The following TM7SF3 variants were observed in gnomAD, a reference collection of about 807,000 sequenced individuals.
TM7SF3 encodes the protein transmembrane 7 superfamily member 3.
TM7SF3 carries 60 observed loss-of-function variants against 65.5 expected under a neutral mutation model. That is an observed-to-expected ratio of 0.92 (90% confidence interval 0.74 to 1.14). TM7SF3 has a LOEUF of 1.14. TM7SF3 is among the 50% of genes most tolerant of loss of function. The pLI, the probability that TM7SF3 is intolerant of heterozygous loss-of-function variation, is 0.00. For missense variants in TM7SF3, 623 were observed against 684.8 expected (o/e 0.91, Z 1.01); for synonymous variants, 264 against 259.6 (o/e 1.02, Z -0.16).
intron 9 of TM7SF3, chr12:26,978,197 G>T: frequency 8.2e-6 from 2 of 243,414 alleles, no homozygotes; most frequent in South Asian, 3.9e-5. Flanking sequence ...ATATATAAAG[G>T]GTATATGCTA....
chr12:26,997,801 G>A (rs1261862489), intron 3 of TM7SF3, among the ~76,000 whole-genome samples: 4 of 148,854 alleles, frequency 2.7e-5, no homozygotes, highest in Non-Finnish European at 5.9e-5. Flanking sequence ...TGACCTCTCC[G>A]TAGACTGTAA....
rs1344343630 is a variant in TM7SF3, at chr12:26,982,931, C to G, written c.869-72G>C. 2.7e-6 allele frequency: 3 copies of G among 1,110,708 alleles called. No homozygotes were observed. In the East Asian group the frequency reaches 8.0e-5, roughly 30 times the overall value. The allele number at this position is 1,110,708 out of a possible 1,614,324, so 68.8% of individuals were successfully genotyped here. On this transcript the variant is annotated intron_variant, in intron 6 of 11. Coordinates refer to ENST00000343028, the MANE Select transcript of TM7SF3 (RefSeq NM_016551.3). Reference sequence around the variant, plus strand: ...TTTGTATTAATATTTATAGAACGAACCTTCATCAAAAAAGCTAAGTGAACT... The same window carrying G: ...TTTGTATTAATATTTATAGAACGAAGCTTCATCAAAAAAGCTAAGTGAACT...
chr12:26,990,362 G>A (rs1432446173), intron 6 of TM7SF3, 88 bp downstream of exon 6: 10 of 967,176 alleles, frequency 1.0e-5, no homozygotes, highest in Non-Finnish European at 1.6e-5. Flanking sequence ...GGGCTCAAAA[G>A]GTATGTGTTG....
chr12:26,995,291 C>T lies in TM7SF3; in HGVS notation c.636G>A (p.Leu212=). 6.2e-7 allele frequency: 1 copy of T among 1,614,192 alleles called. No individual in the cohort carries two copies. Among genetic ancestry groups the T allele is most frequent in the Middle Eastern group, 1.7e-4 (1 of 6,056 alleles). The change falls in exon 5 of 12, where the codon CTG becomes CTA. Residue 212 remains leucine (L), a synonymous_variant. Coordinates refer to ENST00000343028, the MANE Select transcript of TM7SF3 (RefSeq NM_016551.3). ...PENDLTEEML[L]KHLQRMVSVP... ...CACTGACCATCCTCTGCAGATGCTT[C>T]AGCAACATCTCCTCAGTGAGGTCAT... is the stretch of plus-strand genomic sequence containing the variant.
chr12:26,983,335 C>T, intron 6 of TM7SF3, among the ~76,000 whole-genome samples: 1 of 152,070 alleles, frequency 6.6e-6, no homozygotes, highest in East Asian at 1.9e-4. Context: ...CAACCTGATT[C>T]AAACAAACTG....
Position 26,973,603 on chromosome 12 carries a change from G to A in TM7SF3, c.*362C>T, listed in dbSNP as rs1680146500. The A allele has an allele frequency of 5.7e-6, 1 of 173,974 alleles. No homozygotes were observed. The highest frequency in any genetic ancestry group is 1.6e-4 in the South Asian group (1 of 6,378). The allele number at this position is 173,974 out of a possible 1,614,324, so 10.8% of individuals were successfully genotyped here. A position where few individuals can be genotyped will look rare whatever the true frequency, so the allele number is the denominator to read the frequency against. ...TTAGACAGGCTCAGGTGAGAGACTT[G>A]TTTCAAGGGGTTATAAAAAGAAACA... On this transcript the variant is annotated 3_prime_UTR_variant, in exon 12 of 12. Transcript: ENST00000343028.
chr12:26,979,926 A>C lies in TM7SF3; in HGVS notation c.1047T>G (p.Ile349Met), dbSNP rs750737061. 3.7e-6 allele frequency: 6 copies of C among 1,614,142 alleles called. No homozygotes were observed. In the South Asian group the frequency reaches 4.4e-5, roughly 12 times the overall value. The change falls in exon 9 of 12, where the codon ATT (isoleucine) becomes ATG (methionine). Residue 349 changes from isoleucine to methionine, a missense_variant. Ile to Met is a conservative substitution (Grantham distance 10). Coordinates refer to ENST00000343028, the MANE Select transcript of TM7SF3 (RefSeq NM_016551.3). ...LTPIKYDVNL[I>M]LTAVTGSVGG... ...CGACGCTTCCAGTGACAGCTGTCAG[A>C]ATCAGATTCACTGTACAAAGAGAGA... is the stretch of plus-strand genomic sequence containing the variant.
Position 26,975,853 on chromosome 12 carries a change from A to G in TM7SF3, c.1288-195T>C, listed in dbSNP as rs1812059711. 6.8e-6 allele frequency: 4 copies of G among 585,268 alleles called. No individual in the cohort carries two copies. The South Asian group carries it at 9.2e-5, about 14-fold the overall frequency. The allele number at this position is 585,268 out of a possible 1,614,324, so 36.3% of individuals were successfully genotyped here. ...ACCTTCAACATCCATATGAGTTCTT[A>G]AAACACAGTTCAGCTTATCCAAATA... is the stretch of plus-strand genomic sequence containing the variant. On this transcript the variant is annotated intron_variant, in intron 10 of 11. Coordinates refer to ENST00000343028, the MANE Select transcript of TM7SF3 (RefSeq NM_016551.3).
In TM7SF3 at chr12:26,973,949, C is replaced by T. The variant is rs1256884045; in HGVS notation, c.*16G>A. The T allele has an allele frequency of 6.2e-7, 1 of 1,612,098 alleles. No homozygotes were observed. The highest frequency in any genetic ancestry group is 1.8e-4 in the Middle Eastern group (1 of 5,534). ...GAACTCCAAAGCTGAGGCACACTGA[C>T]CAAGCCCCTGGGCATCTACAGAAGC... is the stretch of plus-strand genomic sequence containing the variant. On this transcript the variant is annotated 3_prime_UTR_variant, in exon 12 of 12. Coordinates refer to ENST00000343028, the MANE Select transcript of TM7SF3 (RefSeq NM_016551.3).
chr12:26,999,702 T>G (rs779658139), intron 2 of TM7SF3, 26 bp from the exon 3 acceptor site: 2 of 1,612,662 alleles, frequency 1.2e-6, no homozygotes, highest in African/African-American at 1.3e-5. Context: ...AACATTGTCA[T>G]GAATAGGAAG....
intron 7 of TM7SF3, 81 bp downstream of exon 7, chr12:26,982,692 G>A: frequency 4.4e-6 from 4 of 915,674 alleles, no homozygotes; most frequent in Non-Finnish European, 6.6e-6. Context: ...ATAAGTAAGT[G>A]CTTACTCTCC....
Position 26,973,109 on chromosome 12 carries a change from G to A in TM7SF3, c.*856C>T, listed in dbSNP as rs540967603. Reference sequence around the variant, plus strand: ...GAAAAAAAAACAAAGGGTAACTTTTGGATAATGTATGATACTAAGAAGGGC... The same window carrying A: ...GAAAAAAAAACAAAGGGTAACTTTTAGATAATGTATGATACTAAGAAGGGC... On this transcript the variant is annotated 3_prime_UTR_variant, in exon 12 of 12. Transcript: ENST00000343028. The A allele has an allele frequency of 3.3e-5, 5 of 151,136 alleles. No individual in the cohort carries two copies. In the South Asian group the frequency reaches 8.4e-4, roughly 25 times the overall value. The allele number at this position is 151,136 out of a possible 1,614,324, so 9.4% of individuals were successfully genotyped here.
intron 6 of TM7SF3, among the ~76,000 whole-genome samples, chr12:26,989,380 T>C (rs890404497): frequency 1.3e-5 from 2 of 152,142 alleles, no homozygotes; most frequent in African/African-American, 4.8e-5. Context: ...GAGGTTGCAG[T>C]GGGCCAAGAT....
At chr12:26,991,966 A>C (rs1466289686) in intron 5 of TM7SF3, among the ~76,000 whole-genome samples, 1 of 152,126 alleles carries the variant, frequency 6.6e-6, no homozygotes, top group Non-Finnish European at 1.5e-5. Flanking sequence ...TAAAAGGTAG[A>C]TCTGATTCTT....
chr12:27,001,267 AT>A (rs1364930784), intron 2 of TM7SF3, among the ~76,000 whole-genome samples: 1 of 152,226 alleles, frequency 6.6e-6, no homozygotes, highest in African/African-American at 2.4e-5. Flanking sequence ...AAATAAAATG[AT>A]AATTAAGGAC....
At chr12:26,979,976 G>T (rs1283044644) in intron 8 of TM7SF3, 40 bp from the exon 9 acceptor site, 3 of 1,613,024 alleles carry the variant, frequency 1.9e-6, no homozygotes, top group African/African-American at 2.7e-5. Context: ...ATAACCGGCA[G>T]TACTTCCAAC....
At position 26,998,557 on chromosome 12, in the gene TM7SF3, A is replaced by G. The variant is rs115094290; in HGVS notation, c.397+969T>C. On this transcript the variant is annotated intron_variant, in intron 3 of 11. Transcript: ENST00000343028. ...ATCACTATTTCCCTGCTGCCCAAATAGGAAACCTATGCTTCCCTCTTATAC... is the reference window on the plus strand; with the variant it reads ...ATCACTATTTCCCTGCTGCCCAAATGGGAAACCTATGCTTCCCTCTTATAC... Among the ~76,000 whole-genome samples the G allele has an allele frequency of 3.6e-3, 547 of 152,294 alleles. 1 individual carries two copies. Among genetic ancestry groups the G allele is most frequent in the African/African-American group, 0.013 (525 of 41,560 alleles).
At chr12:27,010,947 A>G (rs562253638) in intron 1 of TM7SF3, among the ~76,000 whole-genome samples, 1 of 152,258 alleles carries the variant, frequency 6.6e-6, no homozygotes, top group East Asian at 1.9e-4. Flanking sequence ...CCTTTTTACT[A>G]TTTTACTAAA....
chr12:26,979,818 G>C lies in TM7SF3; in HGVS notation c.1155C>G (p.Phe385Leu). The C allele has an allele frequency of 6.2e-7, 1 of 1,614,068 alleles. No individual in the cohort carries two copies. The highest frequency in any genetic ancestry group is 1.1e-5 in the South Asian group (1 of 91,060). ...TAAAGAAAGTCACTGACGAGATGAG[G>C]AACCCCAGCACTAGTCCAACACAGA... Reference protein sequence around the residue: ...CMLCVGLVLGFLISSVTFFTP... With the variant: ...CMLCVGLVLGLLISSVTFFTP... The change falls in exon 9 of 12, where the codon TTC (phenylalanine) becomes TTG (leucine). Residue 385 changes from phenylalanine (F) to leucine (L), a missense_variant. By Grantham distance (22) the Phe-to-Leu change is conservative (BLOSUM62 0). Transcript: ENST00000343028.
Sources: gnomAD v4.1 joint callset for allele counts (sites outside exome capture counted in the v4.1 genomes callset) on GRCh38, gnomAD v4.1.1 for gene constraint, MANE v1.5 for transcripts, NCBI Gene and HGNC (gene_info 2026-07-23, HGNC 2026-07-21) for gene names.